The following NHSL2 variants were observed in gnomAD, a reference collection of about 807,000 sequenced individuals.
NHSL2 encodes NHS-like protein 2.
A neutral mutation model predicts 53.4 loss-of-function variants in NHSL2; 27 were observed. That is an observed-to-expected ratio of 0.51 (90% CI 0.37 to 0.70). The LOEUF is 0.70. Ranked by LOEUF, NHSL2 falls within the 30% of genes least tolerant of loss-of-function variation. The pLI, the probability that NHSL2 is intolerant of heterozygous loss-of-function variation, is 0.00. For synonymous variants in NHSL2, 408 were observed against 404.1 expected (o/e 1.01, Z -0.12); for missense variants, 892 against 980.1 (o/e 0.91, Z 1.20).
At position 72,134,223 on chromosome X, in the gene NHSL2, G is replaced by A; in HGVS notation, c.564+5G>A. 1 of 1,164,295 alleles carries A rather than the reference G, an allele frequency of 8.6e-7. No homozygotes were observed. The highest frequency in any genetic ancestry group is 1.1e-6 in the Non-Finnish European group (1 of 870,463). ...CGTCTGGAGTTTATATTGATGGTGA[G>A]TTGCCTCATCCCCCACCTGGGAGAG... is the stretch of plus-strand genomic sequence containing the variant. On this transcript the variant is annotated splice_donor_5th_base_variant and intron_variant, in intron 3 of 7. Transcript: ENST00000633930.
intron 1 of NHSL2, among the ~76,000 whole-genome samples, chrX:71,979,090 C>G (rs1410388284): frequency 9.0e-6 from 1 of 110,600 alleles, no homozygotes; most frequent in Non-Finnish European, 1.9e-5. Flanking sequence ...AGGACATCAA[C>G]TCGTCCTTTT....
chrX:72,139,816 C>A lies in NHSL2; in HGVS notation c.2268C>A (p.Pro756=). 1 of 1,210,266 alleles carries A rather than the reference C, an allele frequency of 8.3e-7. No homozygotes were observed. ...TACCTGAGAGGAAGTCATCACTACC[C>A]CCGACGTCACCAATGGAGAAATTTC... The part of the protein sequence containing the change: ...PVVPERKSSL[P]PTSPMEKFPK... Residue 756 remains proline (P), a synonymous_variant, in exon 6 of 8, where the codon CCC becomes CCA. Transcript: ENST00000633930.
chrX:72,068,631 C>T lies in NHSL2; in HGVS notation c.281-63448C>T, dbSNP rs753182807. On this transcript the variant is annotated intron_variant, in intron 1 of 7. Transcript: ENST00000633930. The stretch of plus-strand genomic sequence containing the variant: ...AGAGGGCTGCAGCACTCACAGTGAG[C>T]GGCTGCGTAAGTGTGTCCGTGTGTG... 6.7e-5 allele frequency among the ~76,000 whole-genome samples: 7 copies of T among 105,127 alleles called. No homozygotes were observed. The East Asian group carries it at 8.9e-4, about 13-fold the overall frequency. The allele number at this position is 105,127 out of a possible 115,157, so 91.3% of individuals were successfully genotyped here.
intron 1 of NHSL2, among the ~76,000 whole-genome samples, chrX:72,090,553 T>C (rs1031608556): frequency 1.8e-5 from 2 of 111,907 alleles, no homozygotes; most frequent in Non-Finnish European, 3.8e-5. Flanking sequence ...ATTCTGCAAT[T>C]AATTTTGCTT....
chrX:72,141,913 A>G (rs945667516), intron 6 of NHSL2, among the ~76,000 whole-genome samples: 3 of 111,866 alleles, frequency 2.7e-5, no homozygotes, highest in Non-Finnish European at 5.6e-5. Context: ...GGGAGTCACT[A>G]GTTTAGATCA....
chrX:72,018,077 A>T (rs758124839), intron 1 of NHSL2, among the ~76,000 whole-genome samples: 1 of 111,890 alleles, frequency 8.9e-6, no homozygotes, highest in Non-Finnish European at 1.9e-5. Flanking sequence ...TGCTTACCTG[A>T]CTTTCTTCTT....
chrX:71,979,592 A>G (rs1384573719), intron 1 of NHSL2, among the ~76,000 whole-genome samples: 5 of 111,876 alleles, frequency 4.5e-5, no homozygotes, highest in Non-Finnish European at 9.4e-5. Flanking sequence ...TCCTTCACCC[A>G]CTTTTTGATG....
rs1290056162 is a variant in NHSL2, at chrX:71,911,237, G to A, written c.150G>A (p.Leu50=). The A allele has an allele frequency of 5.2e-6, 6 of 1,147,794 alleles. No individual in the cohort carries two copies. The highest frequency in any genetic ancestry group is 6.9e-6 in the Non-Finnish European group (6 of 869,057). The allele number at this position is 1,147,794 out of a possible 1,213,427, so 94.6% of individuals were successfully genotyped here. Residue 50 remains leucine, a synonymous_variant, in exon 1 of 8, where the codon CTG becomes CTA. Coordinates refer to ENST00000633930, the MANE Select transcript of NHSL2 (RefSeq NM_001013627.3). ...LADLCGHSLA[L]LEDLEGHLLA... is the part of the protein sequence containing the mutation. Reference sequence around the variant, plus strand: ...ACCTCTGTGGCCACTCGTTGGCTCTGCTCGAGGACCTCGAGGGGCACCTGC... The same window carrying A: ...ACCTCTGTGGCCACTCGTTGGCTCTACTCGAGGACCTCGAGGGGCACCTGC...
chrX:71,929,520 A>T (rs780220116), intron 1 of NHSL2, among the ~76,000 whole-genome samples: 1 of 112,304 alleles, frequency 8.9e-6, no homozygotes, highest in South Asian at 3.7e-4. Context: ...AACTCTCTTC[A>T]TGTAACACCT....
At chrX:72,096,033 G>A (rs1420262197) in intron 1 of NHSL2, among the ~76,000 whole-genome samples, 1 of 109,734 alleles carries the variant, frequency 9.1e-6, no homozygotes, top group Non-Finnish European at 1.9e-5. Flanking sequence ...GAGCTTTCAG[G>A]TCACAGGGGT....
chrX:71,964,540 G>A (rs2041892779), intron 1 of NHSL2, among the ~76,000 whole-genome samples: 2 of 111,128 alleles, frequency 1.8e-5, no homozygotes, highest in African/African-American at 6.6e-5. Context: ...TTGTTCTATT[G>A]TTTTCAAAAA....
chrX:71,925,991 A>G (rs1482541081), intron 1 of NHSL2, among the ~76,000 whole-genome samples: 4 of 111,396 alleles, frequency 3.6e-5, no homozygotes, highest in Non-Finnish European at 7.5e-5. Context: ...ATAGGATCTG[A>G]TGGAGGGCTT....
intron 1 of NHSL2, among the ~76,000 whole-genome samples, chrX:71,984,693 C>A (rs1290415328): frequency 8.9e-6 from 1 of 112,477 alleles, no homozygotes; most frequent in Non-Finnish European, 1.9e-5. Flanking sequence ...CCCATTTTTA[C>A]TAAAGGTAAA....
intron 1 of NHSL2, among the ~76,000 whole-genome samples, chrX:71,954,128 A>G (rs751321555): frequency 5.3e-5 from 6 of 112,230 alleles, no homozygotes; most frequent in Non-Finnish European, 1.1e-4. Context: ...CTGGCATGCT[A>G]GGAAGGGACT....
chrX:71,998,665 C>G (rs949614831), intron 1 of NHSL2, among the ~76,000 whole-genome samples: 4 of 111,711 alleles, frequency 3.6e-5, no homozygotes, highest in Non-Finnish European at 7.5e-5. Context: ...CTGGCAAAAC[C>G]TATTGGTTGC....
At chrX:72,084,027 A>G (rs1188947036) in intron 1 of NHSL2, among the ~76,000 whole-genome samples, 2 of 111,424 alleles carry the variant, frequency 1.8e-5, no homozygotes, top group Non-Finnish European at 3.8e-5. Flanking sequence ...ATCCTTCAAG[A>G]CTCAGTTTAA....
At chrX:72,081,142 C>T (rs979119723) in intron 1 of NHSL2, among the ~76,000 whole-genome samples, 15 of 112,411 alleles carry the variant, frequency 1.3e-4, no homozygotes, top group African/African-American at 4.2e-4. Context: ...AAAGTGGTGA[C>T]GGGACCAAAA....
chrX:71,960,859 G>A (rs956701571), intron 1 of NHSL2, among the ~76,000 whole-genome samples: 1 of 111,843 alleles, frequency 8.9e-6, no homozygotes, highest in African/African-American at 3.3e-5. Context: ...TGTCTATTTG[G>A]GGTCTGTTGG....
At chrX:71,972,747 C>G (rs2041930845) in intron 1 of NHSL2, among the ~76,000 whole-genome samples, 1 of 111,317 alleles carries the variant, frequency 9.0e-6, no homozygotes, top group Non-Finnish European at 1.9e-5. Context: ...CTGGTACTAC[C>G]ACTATGTATG....
Sources: allele counts gnomAD v4.1 joint callset (sites outside exome capture counted in the v4.1 genomes callset), GRCh38; gene constraint gnomAD v4.1.1; transcripts MANE v1.5; gene names NCBI Gene and HGNC (gene_info 2026-07-23, HGNC 2026-07-21).